CHD1L: variants seen among roughly 807,000 people sequenced by gnomAD.
CHD1L encodes ATP-dependent chromatin remodeler CHD1L.
CHD1L carries 118 observed loss-of-function variants against 115.9 expected under a neutral mutation model. The ratio of observed to expected loss-of-function variants is 1.02; its 90% CI spans 0.88 to 1.19. The LOEUF is 1.19. CHD1L is among the 50% of genes most tolerant of loss of function. The pLI is 0.00. For missense variants in CHD1L, 1,179 were observed against 1,065.3 expected (o/e 1.11, Z -1.49); for synonymous variants, 411 against 387.1 (o/e 1.06, Z -0.72).
chr1:147,261,467 A>T (rs1553944085), intron 6 of CHD1L, among the ~76,000 whole-genome samples: 1 of 151,560 alleles, frequency 6.6e-6, no homozygotes, highest in Admixed American at 6.6e-5. Flanking sequence ...TGAACTAACC[A>T]CCTCTTAAAG....
At chr1:147,287,795 CTG>C (rs879995119) in intron 19 of CHD1L, 62 bp downstream of exon 19, 10 of 1,394,574 alleles carry the variant, frequency 7.2e-6, no homozygotes, top group South Asian at 3.5e-5. Flanking sequence ...ACACCTAAGA[CTG>C]TATCGTGAGG....
the CHD1L span, among the ~76,000 whole-genome samples, chr1:147,187,732 G>T: frequency 6.6e-6 from 1 of 152,148 alleles, no homozygotes; most frequent in East Asian, 1.9e-4. Context: ...AAAGGATGAG[G>T]GAGAATGATT....
chr1:147,191,907 A>T, the CHD1L span, among the ~76,000 whole-genome samples: 38 of 152,206 alleles, frequency 2.5e-4, no homozygotes, highest in African/African-American at 9.2e-4. Flanking sequence ...TGTTTTGGTT[A>T]CTGTAGCCTT....
chr1:147,232,483 C>T, the CHD1L span, among the ~76,000 whole-genome samples: 2 of 151,894 alleles, frequency 1.3e-5, no homozygotes, highest in Non-Finnish European at 2.9e-5. Flanking sequence ...CAACCTCTCC[C>T]TCTCCCTCTC....
At chr1:147,279,716 T>C (rs1454049763) in intron 14 of CHD1L, among the ~76,000 whole-genome samples, 1 of 152,136 alleles carries the variant, frequency 6.6e-6, no homozygotes, top group Non-Finnish European at 1.5e-5. Context: ...TGAGAGGTGC[T>C]GTAGAAAATG....
chr1:147,242,600 C>A (rs1325408402), upstream of CHD1L: 14 of 1,148,848 alleles, frequency 1.2e-5, no homozygotes, highest in African/African-American at 1.6e-4. Context: ...GGCGGCGCCT[C>A]GCTCGTAGGT....
At chr1:147,184,367 C>G in the CHD1L span, 2 of 1,046,480 alleles carry the variant, frequency 1.9e-6, no homozygotes, top group Admixed American at 3.9e-5. This position sits in a 1 kb window ranked among gnomAD's most constrained non-coding sequence, Gnocchi z 4.4. Context: ...TTTGTCACAA[C>G]TAATAAACCA....
the CHD1L span, among the ~76,000 whole-genome samples, chr1:147,196,886 T>C: frequency 1.3e-5 from 2 of 152,116 alleles, no homozygotes; most frequent in Admixed American, 1.3e-4. Flanking sequence ...GTCTGGCTCC[T>C]CCAATTCCTT....
chr1:147,275,296 A>G, intron 12 of CHD1L, 58 bp from the exon 13 acceptor site: 2 of 1,320,192 alleles, frequency 1.5e-6, no homozygotes, highest in Non-Finnish European at 2.2e-6. Context: ...CCTTGTGCTT[A>G]TTTTCTAGCT....
At chr1:147,283,844 A>G (rs1487717897) in intron 15 of CHD1L, among the ~76,000 whole-genome samples, 1 of 152,200 alleles carries the variant, frequency 6.6e-6, no homozygotes, top group Non-Finnish European at 1.5e-5. Context: ...AAGTAGGATT[A>G]GTTATACCAG....
chr1:147,278,474 C>T (rs1359111805), intron 14 of CHD1L, among the ~76,000 whole-genome samples: 2 of 150,812 alleles, frequency 1.3e-5, no homozygotes, highest in East Asian at 2.0e-4. Context: ...CCGTCCACCT[C>T]GGCCTCCTAA....
intron 1 of CHD1L, among the ~76,000 whole-genome samples, chr1:147,246,022 T>C (rs1223585894): frequency 6.6e-6 from 1 of 152,186 alleles, no homozygotes; most frequent in Non-Finnish European, 1.5e-5. Flanking sequence ...ATCCCTCAAC[T>C]TGCACTTTGA....
At chr1:147,235,206 C>T in the CHD1L span, among the ~76,000 whole-genome samples, 6 of 151,908 alleles carry the variant, frequency 3.9e-5, no homozygotes, top group East Asian at 1.9e-4. Flanking sequence ...TGTAGACACC[C>T]CAAGCAAATG....
At chr1:147,291,448 GTTCT>G (rs782511726) in intron 19 of CHD1L, 30 bp from the exon 20 acceptor site, 10 of 1,554,596 alleles carry the variant, frequency 6.4e-6, no homozygotes, top group Middle Eastern at 1.7e-4. Context: ...TGAACTTGGT[GTTCT>G]TTATGTTGCT....
chr1:147,267,950 T>C (rs901687740), intron 9 of CHD1L, among the ~76,000 whole-genome samples: 8 of 152,342 alleles, frequency 5.3e-5, no homozygotes, highest in Middle Eastern at 3.4e-3. Context: ...AGTCAGCCTT[T>C]CCTCACCGCT....
chr1:147,266,129 T>A, intron 8 of CHD1L, 42 bp downstream of exon 8: 1 of 1,555,876 alleles, frequency 6.4e-7, no homozygotes, highest in Non-Finnish European at 8.7e-7. Flanking sequence ...TAAATGAGGA[T>A]GTGATTTCAG....
the CHD1L span, chr1:147,224,261 G>A: frequency 9.5e-6 from 2 of 210,510 alleles, no homozygotes; most frequent in Non-Finnish European, 1.9e-5. Context: ...CGCTGCCAAT[G>A]GGGAGGCAAT....
the CHD1L span, among the ~76,000 whole-genome samples, chr1:147,202,163 C>T: frequency 0.037 from 5,610 of 152,110 alleles, 146 homozygotes; most frequent in South Asian, 0.095. Context: ...TGGTATACTT[C>T]GGGCTTGTTA....
the CHD1L span, chr1:147,178,212 C>T: frequency 1.2e-6 from 2 of 1,613,412 alleles, no homozygotes; most frequent in Non-Finnish European, 1.7e-6. Flanking sequence ...TCAGGGACGA[C>T]AACTTGGAGA....
Sources: gnomAD v4.1 joint callset for allele counts (sites outside exome capture counted in the v4.1 genomes callset) on GRCh38, gnomAD v4.1.1 for gene constraint, Gnocchi (gnomAD v3.1) non-coding constraint, MANE v1.5 for transcripts, NCBI Gene and HGNC (gene_info 2026-07-23, HGNC 2026-07-21) for gene names.